Variants in CHD1 observed in about 807,000 individuals in gnomAD.
CHD1 encodes chromodomain helicase DNA binding protein 1.
In CHD1, 36 loss-of-function variants were observed where a neutral mutation model predicts 224.2. The observed-to-expected ratio is 0.16, with a 90% confidence interval of 0.12 to 0.21. The LOEUF is 0.21. Among genes scored for constraint, CHD1 ranks in the 10% least tolerant of loss-of-function variants. The pLI is 1.00. For missense variants in CHD1, 1,378 were observed against 1,994.8 expected, an observed-to-expected ratio of 0.69 and a Z score of 5.89; for synonymous variants, 668 against 658.3, an observed-to-expected ratio of 1.01 and a Z score of -0.23.
At chr5:98,923,272 T>G (rs2112661175) in intron 2 of CHD1, among the ~76,000 whole-genome samples, 1 of 152,310 alleles carries the variant, frequency 6.6e-6, no homozygotes, top group Non-Finnish European at 1.5e-5. Flanking sequence ...AAAAACTAGA[T>G]AACTTGATAA....
In CHD1 at chr5:98,855,792, T is replaced by C. The variant is rs1747980783; in HGVS notation, c.*588A>G. ...TTACAATAATTTACAGCCATTTTTTTTGTAAAAAGGCATAATAGATCACAA... is the reference window on the plus strand; with the variant it reads ...TTACAATAATTTACAGCCATTTTTTCTGTAAAAAGGCATAATAGATCACAA... On this transcript the variant is annotated 3_prime_UTR_variant, in exon 36 of 36. Transcript: ENST00000614616. 6.6e-6 allele frequency: 1 copy of C among 151,880 alleles called. No homozygotes were observed. The highest frequency in any genetic ancestry group is 2.4e-5 in the African/African-American group (1 of 41,328). 9.4% of individuals were successfully genotyped at this position (151,880 alleles called of 1,614,324 possible).
chr5:98,858,441 A>G (rs769478820), intron 34 of CHD1, 51 bp from the exon 35 acceptor site: 7 of 1,473,124 alleles, frequency 4.8e-6, no homozygotes, highest in Admixed American at 1.8e-5. Context: ...AATGTGGCAA[A>G]AAAAACTTAG....
chr5:98,905,224 A>G (rs958957355), intron 2 of CHD1, 126 bp from the exon 3 acceptor site: 68 of 1,020,880 alleles, frequency 6.7e-5, no homozygotes, highest in Non-Finnish European at 8.3e-5. Context: ...ATCTTTGGCC[A>G]AAAAAAAGAA....
At position 98,901,291 on chromosome 5, in the gene CHD1, C is replaced by T. The variant is rs1469219298; in HGVS notation, c.482G>A (p.Gly161Asp). 21 of 1,613,208 alleles carry T rather than the reference C, an allele frequency of 1.3e-5. No homozygotes were observed. The highest frequency in any genetic ancestry group is 2.2e-5 in the East Asian group (1 of 44,812). Residue 161 changes from glycine (G) to aspartate (D), a missense_variant, in exon 6 of 36, where the codon GGT becomes GAT. Around this residue, in one of 16 missense-constraint regions of CHD1, gnomAD observed 306 missense variants for 298.1 expected, o/e 1.03. Coordinates refer to ENST00000614616, the MANE Select transcript of CHD1 (RefSeq NM_001270.4). Reference protein sequence around the residue: ...MSGSGSPSQSGSDSESEEERE... With the variant: ...MSGSGSPSQSDSDSESEEERE... ...CTCTTCTTCAGATTCTGAATCTGAA[C>T]CAGACTGAGATGGAGATCCTGACCC...
intron 2 of CHD1, among the ~76,000 whole-genome samples, chr5:98,922,646 C>G (rs1753178318): frequency 6.6e-6 from 1 of 152,102 alleles, no homozygotes; most frequent in Non-Finnish European, 1.5e-5. Context: ...CTTTAAAAAG[C>G]TACTTACAAT....
rs1751653439 is a variant in CHD1, at chr5:98,900,802, A to T, written c.859+9T>A. The T allele has an allele frequency of 1.2e-6, 2 of 1,600,954 alleles. No homozygotes were observed. Among genetic ancestry groups the T allele is most frequent in the African/African-American group, 2.7e-5 (2 of 73,844 alleles). The stretch of plus-strand genomic sequence containing the variant: ...ATAACCAAACAATAAATGGTTTTTT[A>T]AAAACTACCTCCTTTTCTCCCAATC... On this transcript the variant is annotated intron_variant, in intron 7 of 35. Transcript: ENST00000614616.
At position 98,889,241 on chromosome 5, in the gene CHD1, T is replaced by TA. The variant is rs745800597; in HGVS notation, c.2181-4dup. ...TGTAATTCCTAGTTAAAATCCATCT[T>TA]AAAAAAAAAAATTATGAAAACGATG... On this transcript the variant is annotated splice_region_variant and splice_polypyrimidine_tract_variant and intron_variant, in intron 15 of 35. Coordinates refer to ENST00000614616, the MANE Select transcript of CHD1 (RefSeq NM_001270.4). The TA allele has an allele frequency of 0.011, 14,094 of 1,274,380 alleles. No individual in the cohort carries two copies. Among genetic ancestry groups the TA allele is most frequent in the South Asian group, 0.018 (1,145 of 64,316 alleles). The allele number at this position is 1,274,380 out of a possible 1,614,324, so 78.9% of individuals were successfully genotyped here.
intron 24 of CHD1, among the ~76,000 whole-genome samples, chr5:98,875,920 A>G (rs1056881246): frequency 6.6e-6 from 1 of 152,168 alleles, no homozygotes; most frequent in African/African-American, 2.4e-5. Context: ...CAATAAATAT[A>G]TCCTGCCTGG....
chr5:98,921,521 C>G (rs1230565485), intron 2 of CHD1, among the ~76,000 whole-genome samples: 1 of 152,138 alleles, frequency 6.6e-6, no homozygotes, highest in East Asian at 1.9e-4. Context: ...ATGCCAACAC[C>G]GCTGGTCCAC....
chr5:98,924,631 CAGTATGTATGAAAGCTGATAAACTAA>C (rs1410663021), intron 2 of CHD1, among the ~76,000 whole-genome samples: 1 of 152,146 alleles, frequency 6.6e-6, no homozygotes, highest in Non-Finnish European at 1.5e-5. Context: ...CTTATCCAAA[CAGTATGTATGAAAGCTGATAAACTAA>C]AGTATAACTA....
rs887851758 is a variant in CHD1 at position 98,911,057 on chromosome 5, T to C, written c.54-5959A>G. Among the ~76,000 whole-genome samples, 3 of 147,572 alleles carry C rather than the reference T, an allele frequency of 2.0e-5. No individual in the cohort carries two copies. In the East Asian group the frequency reaches 5.9e-4, roughly 29 times the overall value. ...ACACTTAAATAAACTACAGCTCCTT[T>C]GAGAAATGGCAGGCTCTAAGGCTGC... On this transcript the variant is annotated intron_variant, in intron 2 of 35. Transcript: ENST00000614616.
intron 10 of CHD1, 87 bp from the exon 11 acceptor site, chr5:98,897,407 T>C: frequency 2.1e-6 from 2 of 959,522 alleles, no homozygotes; most frequent in Non-Finnish European, 3.1e-6. Flanking sequence ...TACCATAAAT[T>C]CTTAAATTTC....
intron 22 of CHD1, among the ~76,000 whole-genome samples, chr5:98,880,059 C>G (rs1750053484): frequency 6.6e-6 from 1 of 152,192 alleles, no homozygotes; most frequent in African/African-American, 2.4e-5. Flanking sequence ...ATTCTCAGAC[C>G]AGTCCACCTA....
In CHD1 at chr5:98,928,721, C is replaced by CG. The variant is rs1018969010; in HGVS notation, c.-332dup. 6.5e-6 allele frequency: 1 copy of CG among 153,854 alleles called. No individual in the cohort carries two copies. Among genetic ancestry groups the CG allele is most frequent in the Non-Finnish European group, 1.5e-5 (1 of 68,798 alleles). The allele number at this position is 153,854 out of a possible 1,614,324, so 9.5% of individuals were successfully genotyped here. ...GGGAAGCCCCGGTCCGCAGCACCAA[C>CG]GCGCGATCCCCTGCGGAGTGGAGCT... is the stretch of plus-strand genomic sequence containing the variant. On this transcript the variant is annotated 5_prime_UTR_variant, in exon 1 of 36. Coordinates refer to ENST00000614616, the MANE Select transcript of CHD1 (RefSeq NM_001270.4).
chr5:98,904,711 T>C (rs768053115), intron 3 of CHD1, among the ~76,000 whole-genome samples, 186 bp downstream of exon 3: 2 of 152,244 alleles, frequency 1.3e-5, no homozygotes, highest in Admixed American at 6.5e-5. Context: ...AGTTCGAAAA[T>C]GCATCTATTC....
rs1753469559 is a variant in CHD1 at position 98,926,575 on chromosome 5, G to A, written c.-148-41C>T. ...TAATAAATTAACAAAATTTCCTGCA[G>A]AAAAAAGGTAAATTAAGCCCTGTCT... On this transcript the variant is annotated intron_variant, in intron 1 of 35. Coordinates refer to ENST00000614616, the MANE Select transcript of CHD1 (RefSeq NM_001270.4). 3 of 387,454 alleles carry A rather than the reference G, an allele frequency of 7.7e-6. No individual in the cohort carries two copies. The South Asian group carries it at 1.9e-4, about 25-fold the overall frequency. 24.0% of individuals were successfully genotyped at this position (387,454 alleles called of 1,614,324 possible).
chr5:98,869,618 G>GCGCGCACACACACACACA, intron 30 of CHD1, 136 bp downstream of exon 30: 1 of 795,908 alleles, frequency 1.3e-6, no homozygotes, highest in Non-Finnish European at 1.9e-6. Context: ...GCGCACGTGC[G>GCGCGCACACACACACACA]CGCGCACACA....
chr5:98,856,628 A>G lies in CHD1; in HGVS notation c.4885T>C (p.Ser1629Pro). 6.2e-7 allele frequency: 1 copy of G among 1,613,284 alleles called. No individual in the cohort carries two copies. Among genetic ancestry groups the G allele is most frequent in the Non-Finnish European group, 8.5e-7 (1 of 1,179,298 alleles). ...LEGSLKDRSH[S>P]DHRSHSDHRL... is the part of the protein sequence containing the mutation. ...TGATCTGAGTGAGAACGATGATCAG[A>G]ATGAGATCTATCTTTTAAACTTCCT... is the stretch of plus-strand genomic sequence containing the variant. The change falls in exon 36 of 36, where the codon TCT (serine) becomes CCT (proline). Residue 1629 changes from serine to proline, a missense_variant. By Grantham distance (74) the Ser-to-Pro change is moderately conservative (BLOSUM62 -1). This residue lies in a region of CHD1 where 278 missense variants were observed against 298.5 expected (regional missense o/e 0.93). Coordinates refer to ENST00000614616, the MANE Select transcript of CHD1 (RefSeq NM_001270.4).
At chr5:98,903,337 GCAAA>G (rs1751844890) in intron 4 of CHD1, among the ~76,000 whole-genome samples, 2 of 151,936 alleles carry the variant, frequency 1.3e-5, no homozygotes, top group African/African-American at 4.8e-5. Flanking sequence ...ATGTTTTTGT[GCAAA>G]CATACATGTA....
Sources: allele counts gnomAD v4.1 joint callset (sites outside exome capture counted in the v4.1 genomes callset), GRCh38; gene constraint gnomAD v4.1.1; regional missense constraint gnomAD v4.1.1; transcripts MANE v1.5; gene names NCBI Gene and HGNC (gene_info 2026-07-23, HGNC 2026-07-21).